The following EDNRB variants were observed in gnomAD, a reference collection of about 807,000 sequenced individuals.
The protein encoded by EDNRB is endothelin receptor type B.
Under a neutral mutation model 46.4 loss-of-function variants are expected in EDNRB, and 18 were observed. That is an observed-to-expected ratio of 0.39 (90% CI 0.27 to 0.57). The LOEUF is 0.57. Ranked by LOEUF, EDNRB falls within the 20% of genes least tolerant of loss-of-function variation. The pLI is 0.61. For missense variants in EDNRB, 434 were observed against 537.5 expected, an observed-to-expected ratio of 0.81 and a Z score of 1.90; for synonymous variants, 213 against 204.9, an observed-to-expected ratio of 1.04 and a Z score of -0.34.
At chr13:77,928,356 C>T (rs190242065) in intron 1 of EDNRB, among the ~76,000 whole-genome samples, 2 of 152,236 alleles carry the variant, frequency 1.3e-5, no homozygotes, top group Admixed American at 1.3e-4. Flanking sequence ...TGATTTTCCA[C>T]TAAGAGGTAC....
intron 6 of EDNRB, chr13:77,899,369 A>C (rs998684613): frequency 6.2e-6 from 1 of 162,392 alleles, no homozygotes; most frequent in Non-Finnish European, 1.3e-5. Flanking sequence ...CACATTGAAC[A>C]GCACATCACT....
At chr13:77,952,026 A>G (rs963807150) in intron 1 of EDNRB, among the ~76,000 whole-genome samples, 1 of 152,128 alleles carries the variant, frequency 6.6e-6, no homozygotes, top group Admixed American at 6.5e-5. Flanking sequence ...GGGTTTCCCC[A>G]CTGCAATCCC....
intron 1 of EDNRB, among the ~76,000 whole-genome samples, chr13:77,967,820 T>C (rs1881623117): frequency 6.6e-6 from 1 of 152,196 alleles, no homozygotes; most frequent in South Asian, 2.1e-4. Context: ...AGATGTTCAT[T>C]TGATACTGCA....
At chr13:77,965,054 C>T (rs571007129) in intron 1 of EDNRB, among the ~76,000 whole-genome samples, 3 of 152,280 alleles carry the variant, frequency 2.0e-5, no homozygotes, top group South Asian at 4.1e-4. Context: ...CATTTCTTTC[C>T]TCCTGTCTTA....
intron 1 of EDNRB, among the ~76,000 whole-genome samples, chr13:77,906,306 T>C (rs1437614904): frequency 2.6e-5 from 4 of 151,944 alleles, no homozygotes; most frequent in Admixed American, 6.6e-5. Flanking sequence ...AGAATAAAAA[T>C]TATCCAACTG....
intron 1 of EDNRB, among the ~76,000 whole-genome samples, chr13:77,936,707 A>G (rs1198672667): frequency 6.6e-6 from 1 of 152,246 alleles, no homozygotes; most frequent in African/African-American, 2.4e-5. Context: ...GGTCCTGCAC[A>G]GATGGGACAT....
At chr13:77,954,231 T>C (rs577617085) in intron 1 of EDNRB, among the ~76,000 whole-genome samples, 1 of 152,304 alleles carries the variant, frequency 6.6e-6, no homozygotes, top group African/African-American at 2.4e-5. Context: ...TCTCTGAAAC[T>C]CATTTATTTC....
chr13:77,936,040 C>A (rs1008703050), intron 1 of EDNRB, among the ~76,000 whole-genome samples: 12 of 152,134 alleles, frequency 7.9e-5, no homozygotes, highest in Non-Finnish European at 1.6e-4. Flanking sequence ...AACAGGCTTT[C>A]ATCCTTTTAA....
chr13:77,903,549 T>A lies in EDNRB; in HGVS notation c.542A>T (p.Gln181Leu). 1 of 1,612,902 alleles carries A rather than the reference T, an allele frequency of 6.2e-7. No individual in the cohort carries two copies. Among genetic ancestry groups the A allele is most frequent in the Non-Finnish European group, 8.5e-7 (1 of 1,179,272 alleles). Residue 181 changes from glutamine (Q) to leucine (L), a missense_variant, in exon 2 of 7, where the codon CAG becomes CTG. Transcript: ENST00000646607. ...CACAGTGATTCCCACAGAGGCTTTCTGTATGAAAGGCACCAGCTTACACAT... is the reference window on the plus strand; with the variant it reads ...CACAGTGATTCCCACAGAGGCTTTCAGTATGAAAGGCACCAGCTTACACAT... ...AEMCKLVPFI[Q>L]KASVGITVLS...
At chr13:77,954,246 A>G (rs1286141918) in intron 1 of EDNRB, among the ~76,000 whole-genome samples, 1 of 152,076 alleles carries the variant, frequency 6.6e-6, no homozygotes, top group African/African-American at 2.4e-5. Context: ...TATTTCCTAT[A>G]TCTGTAAATT....
upstream of EDNRB, among the ~76,000 whole-genome samples, chr13:77,922,828 A>C (rs1340243989): frequency 2.6e-5 from 4 of 152,180 alleles, no homozygotes; most frequent in Admixed American, 2.6e-4. Context: ...ACCCATACCT[A>C]AGGGGCTCTT....
chr13:77,954,478 G>GTATTTATTTATT (rs3039607), intron 1 of EDNRB, among the ~76,000 whole-genome samples: 46 of 140,528 alleles, frequency 3.3e-4, no homozygotes, highest in Non-Finnish European at 4.3e-4. Flanking sequence ...TTTTAAGAAA[G>GTATTTATTTATT]TATTTATTTA....
At chr13:77,935,091 G>T (rs1427373279) in intron 1 of EDNRB, among the ~76,000 whole-genome samples, 2 of 152,048 alleles carry the variant, frequency 1.3e-5, no homozygotes, top group East Asian at 1.9e-4. Flanking sequence ...GAAAGTATAT[G>T]TGTCAGGTGT....
In EDNRB at chr13:77,946,579, C is replaced by A. The variant is rs555687314; in HGVS notation, c.-51-27955G>T. ...TTTTCTATTATAAGAGAAAAAAAAA[C>A]CCATTTCCAGTGATTTCAACTCTAT... is the stretch of plus-strand genomic sequence containing the variant. On this transcript the variant is annotated intron_variant, in intron 1 of 7. Transcript: ENST00000646948. Among the ~76,000 whole-genome samples, 14 of 151,392 alleles carry A rather than the reference C, an allele frequency of 9.2e-5. No individual in the cohort carries two copies. In the South Asian group the frequency reaches 1.5e-3, roughly 16 times the overall value.
chr13:77,927,714 T>G (rs1880276127), intron 1 of EDNRB, among the ~76,000 whole-genome samples: 1 of 152,208 alleles, frequency 6.6e-6, no homozygotes, highest in Non-Finnish European at 1.5e-5. Flanking sequence ...AATCTAGATA[T>G]TCACAAGGAA....
chr13:77,961,549 G>T (rs1013088931), intron 1 of EDNRB, among the ~76,000 whole-genome samples: 1 of 152,176 alleles, frequency 6.6e-6, no homozygotes, highest in Non-Finnish European at 1.5e-5. Context: ...ATAACGAAAT[G>T]AAGGCAGAAA....
rs200548885 is a variant in EDNRB, at chr13:77,898,273, G to A, written c.1256C>T (p.Ser419Leu). 2.3e-5 allele frequency: 37 copies of A among 1,611,974 alleles called. No homozygotes were observed. The highest frequency in any genetic ancestry group is 6.7e-5 in the East Asian group (3 of 44,776). Residue 419 changes from serine to leucine, a missense_variant, in exon 7 of 7, where the codon TCG becomes TTG. Ser to Leu is a moderately radical substitution (Grantham distance 145). Transcript: ENST00000646607. ...ATCATTAGCTTTGAACTTTAAGCACGACTGCTTTTCCTCCAAGGACTGTTT... is the reference window on the plus strand; with the variant it reads ...ATCATTAGCTTTGAACTTTAAGCACAACTGCTTTTCCTCCAAGGACTGTTT... The part of the protein sequence containing the change: ...EEKQSLEEKQ[S>L]CLKFKANDHG...
At chr13:77,936,341 G>A (rs1880563845) in intron 1 of EDNRB, among the ~76,000 whole-genome samples, 1 of 152,098 alleles carries the variant, frequency 6.6e-6, no homozygotes, top group African/African-American at 2.4e-5. Flanking sequence ...AAAAAGGAGT[G>A]CTTAAAAGAG....
chr13:77,904,153 T>A (rs1879150718), intron 1 of EDNRB, among the ~76,000 whole-genome samples: 1 of 151,904 alleles, frequency 6.6e-6, no homozygotes, highest in Non-Finnish European at 1.5e-5. Context: ...CCAGGCACAT[T>A]CCTACTTAGG....
Sources: allele counts gnomAD v4.1 joint callset (sites outside exome capture counted in the v4.1 genomes callset), GRCh38; gene constraint gnomAD v4.1.1; transcripts MANE v1.5; gene names NCBI Gene and HGNC (gene_info 2026-07-23, HGNC 2026-07-21).